CCSER1: variants seen among roughly 807,000 people sequenced by gnomAD.
CCSER1 encodes serine-rich coiled-coil domain-containing protein 1.
In CCSER1, 41 loss-of-function variants were observed where a neutral mutation model predicts 82.0. That is an observed-to-expected ratio of 0.50 (90% CI 0.39 to 0.65). The LOEUF is 0.65. CCSER1 is among the 30% of genes least tolerant of loss of function. CCSER1 has a pLI of 0.00. For synonymous variants in CCSER1, 414 were observed against 383.9 expected (o/e 1.08, Z -0.92); for missense variants, 1,119 against 1,064.2 (o/e 1.05, Z -0.72).
At chr4:91,176,887 G>T (rs141601674) in intron 10 of CCSER1, among the ~76,000 whole-genome samples, 29,494 of 152,038 alleles carry the variant, frequency 0.19, 3,149 homozygotes, top group Non-Finnish European at 0.23. Context: ...AGGGCATCCC[G>T]GTCTTGTGCC....
At chr4:90,860,400 G>T (rs1018140066) in intron 8 of CCSER1, among the ~76,000 whole-genome samples, 1 of 151,602 alleles carries the variant, frequency 6.6e-6, no homozygotes, top group East Asian at 1.9e-4. Context: ...ATACTTTGCT[G>T]TTGGGGATGA....
intron 1 of CCSER1, among the ~76,000 whole-genome samples, chr4:90,235,605 T>A (rs1477861215): frequency 1.3e-5 from 2 of 152,152 alleles, no homozygotes; most frequent in African/African-American, 4.8e-5. Context: ...TTATACTTAG[T>A]TATCTGTGCA....
intron 10 of CCSER1, among the ~76,000 whole-genome samples, chr4:91,099,490 G>A (rs1222424992): frequency 6.6e-6 from 1 of 152,150 alleles, no homozygotes; most frequent in Non-Finnish European, 1.5e-5. Flanking sequence ...TTTATTCTGA[G>A]CCACATGAGT....
chr4:90,923,519 C>A (rs541794500), intron 9 of CCSER1, 72 bp downstream of exon 9: 3 of 1,007,460 alleles, frequency 3.0e-6, no homozygotes, highest in Non-Finnish European at 4.6e-6. Context: ...TTGACCTCTG[C>A]GGCTGCTGTG....
At chr4:91,559,070 C>T (rs759336566) in intron 10 of CCSER1, among the ~76,000 whole-genome samples, 21 of 151,302 alleles carry the variant, frequency 1.4e-4, no homozygotes, top group Non-Finnish European at 2.8e-4. Context: ...TATAAGTTTA[C>T]CTTACATATG....
chr4:91,202,370 G>A (rs867342653), intron 10 of CCSER1, among the ~76,000 whole-genome samples: 11 of 151,944 alleles, frequency 7.2e-5, no homozygotes, highest in Admixed American at 2.6e-4. Flanking sequence ...TTTAGTCCAC[G>A]TCTTAGAATC....
intron 6 of CCSER1, among the ~76,000 whole-genome samples, chr4:90,684,299 G>A (rs1222337484): frequency 2.0e-5 from 3 of 152,094 alleles, no homozygotes; most frequent in African/African-American, 4.8e-5. Context: ...TCTTTGAGAT[G>A]TAATTATCTT....
chr4:90,838,975 T>C, intron 8 of CCSER1: 1 of 1,613,280 alleles, frequency 6.2e-7, no homozygotes, highest in Non-Finnish European at 8.5e-7. Context: ...CTTGCGTCTC[T>C]GTCTTCTTCA....
chr4:91,034,544 C>G (rs978508484), intron 9 of CCSER1, among the ~76,000 whole-genome samples: 1 of 102,314 alleles, frequency 9.8e-6, no homozygotes, highest in African/African-American at 3.2e-5. Flanking sequence ...ATTTCATACA[C>G]CCCCCCCAAT....
intron 1 of CCSER1, among the ~76,000 whole-genome samples, chr4:90,185,924 A>T (rs866642148): frequency 6.6e-6 from 1 of 151,996 alleles, no homozygotes; most frequent in Non-Finnish European, 1.5e-5. Context: ...TACTTTTTTG[A>T]TGGCAGGTGT....
At chr4:91,090,919 C>G (rs889755249) in intron 10 of CCSER1, among the ~76,000 whole-genome samples, 1 of 152,066 alleles carries the variant, frequency 6.6e-6, no homozygotes, top group Non-Finnish European at 1.5e-5. Context: ...CATTTTGGGT[C>G]CAAGGGGTTT....
chr4:91,113,638 C>G (rs562414365), intron 10 of CCSER1, among the ~76,000 whole-genome samples: 1 of 152,112 alleles, frequency 6.6e-6, no homozygotes, highest in African/African-American at 2.4e-5. Context: ...TCTTTATTGA[C>G]AAAATAAGCT....
chr4:90,129,525 A>G (rs1356960649), intron 1 of CCSER1, among the ~76,000 whole-genome samples: 1 of 152,244 alleles, frequency 6.6e-6, no homozygotes, highest in Non-Finnish European at 1.5e-5. Flanking sequence ...TTGCAAACTG[A>G]AATGTCTCTA....
At chr4:91,518,502 C>T (rs1760273510) in intron 10 of CCSER1, among the ~76,000 whole-genome samples, 1 of 152,080 alleles carries the variant, frequency 6.6e-6, no homozygotes, top group African/African-American at 2.4e-5. Context: ...TTTTGGTTGC[C>T]CTGGTAGCTC....
intron 1 of CCSER1, among the ~76,000 whole-genome samples, chr4:90,233,169 G>T (rs1162150238): frequency 6.6e-6 from 1 of 152,050 alleles, no homozygotes; most frequent in Admixed American, 6.6e-5. Flanking sequence ...AAAGAGACAT[G>T]ACACGTATGT....
intron 5 of CCSER1, among the ~76,000 whole-genome samples, chr4:90,487,748 G>A (rs1478067460): frequency 1.3e-5 from 2 of 152,012 alleles, no homozygotes; most frequent in Admixed American, 6.5e-5. Context: ...GGGTTCAAGC[G>A]ATTCTGCCTC....
At chr4:91,223,662 A>G (rs1737926725) in intron 10 of CCSER1, among the ~76,000 whole-genome samples, 1 of 152,118 alleles carries the variant, frequency 6.6e-6, no homozygotes, top group African/African-American at 2.4e-5. Flanking sequence ...ATAGGTCTAT[A>G]CAAGGGCAAA....
At chr4:90,987,779 C>T (rs1250354305) in intron 9 of CCSER1, among the ~76,000 whole-genome samples, 2 of 151,660 alleles carry the variant, frequency 1.3e-5, no homozygotes, top group East Asian at 3.9e-4. Context: ...CAAACTCATT[C>T]ACCTCTACTG....
chr4:90,191,875 T>C (rs577869468), intron 1 of CCSER1, among the ~76,000 whole-genome samples: 20 of 152,202 alleles, frequency 1.3e-4, no homozygotes, highest in Admixed American at 7.2e-4. Flanking sequence ...TCTGTGACTT[T>C]TAGAATGTGG....
Sources: gnomAD v4.1 joint callset for allele counts (sites outside exome capture counted in the v4.1 genomes callset) on GRCh38, gnomAD v4.1.1 for gene constraint, MANE v1.5 for transcripts, NCBI Gene and HGNC (gene_info 2026-07-23, HGNC 2026-07-21) for gene names.